BTAF1: variants seen among roughly 807,000 people sequenced by gnomAD.
BTAF1 encodes the protein B-TFIID TATA-box binding protein associated factor 1, also known as TATA-binding protein-associated factor 172.
In BTAF1, 38 loss-of-function variants were observed where a neutral mutation model predicts 227.1. The observed-to-expected ratio is 0.17, with a 90% CI of 0.13 to 0.22. BTAF1 has a LOEUF of 0.22. Ranked by LOEUF, BTAF1 falls within the 10% of genes least tolerant of loss-of-function variation. The probability of loss-of-function intolerance (pLI) is 1.00; values close to 1 mark genes in which losing one functional copy is unlikely to be tolerated. For missense variants in BTAF1, 1,598 were observed against 2,204.0 expected (o/e 0.73, Z 5.51); for synonymous variants, 742 against 751.9 (o/e 0.99, Z 0.21).
intron 25 of BTAF1, among the ~76,000 whole-genome samples, chr10:92,005,759 T>C (rs1326535966): frequency 4.0e-5 from 6 of 151,758 alleles, no homozygotes; most frequent in African/African-American, 1.4e-4. Flanking sequence ...GTTAACATAA[T>C]TAACTTTTTT....
intron 4 of BTAF1, among the ~76,000 whole-genome samples, chr10:91,944,438 G>A (rs943342080): frequency 6.6e-6 from 1 of 152,178 alleles, no homozygotes; most frequent in East Asian, 1.9e-4. Flanking sequence ...CCTGGAATGA[G>A]AGGACCAATT....
chr10:91,990,791 C>G (rs2134018510), intron 20 of BTAF1, among the ~76,000 whole-genome samples: 1 of 150,698 alleles, frequency 6.6e-6, no homozygotes, highest in African/African-American at 2.4e-5. Flanking sequence ...GAAACTCCGT[C>G]TCAAAAAATA....
chr10:91,940,953 G>A (rs1256010247), intron 3 of BTAF1, among the ~76,000 whole-genome samples: 1 of 152,126 alleles, frequency 6.6e-6, no homozygotes, highest in African/African-American at 2.4e-5. Flanking sequence ...TCAAGCTGAG[G>A]CCCACGTCAG....
chr10:91,948,819 C>G (rs1394588679), intron 4 of BTAF1, among the ~76,000 whole-genome samples: 1 of 151,812 alleles, frequency 6.6e-6, no homozygotes, highest in Admixed American at 6.6e-5. Flanking sequence ...CCATGTTGCC[C>G]AGGCTGGTCT....
At chr10:92,007,301 A>T in intron 25 of BTAF1, among the ~76,000 whole-genome samples, 1 of 141,836 alleles carries the variant, frequency 7.1e-6, no homozygotes. Flanking sequence ...TCACTGCAAC[A>T]TCTACCTCCC....
rs761733300 is a variant in BTAF1, at chr10:91,980,462, A to G, written c.1659A>G (p.Ser553=). Residue 553 remains serine (S), a synonymous_variant, in exon 15 of 38, where the codon TCA becomes TCG. Transcript: ENST00000265990. The part of the protein sequence containing the change: ...TLLSTQDQNS[S]SWLIPILPDM... Reference sequence around the variant, plus strand: ...TCTGTTTTTGTTTTCAGAACTCTTCATCTTGGCTTATACCTATACTGCCTG... The same window carrying G: ...TCTGTTTTTGTTTTCAGAACTCTTCGTCTTGGCTTATACCTATACTGCCTG... 6.2e-7 allele frequency: 1 copy of G among 1,611,422 alleles called. No homozygotes were observed. Among genetic ancestry groups the G allele is most frequent in the East Asian group, 2.2e-5 (1 of 44,826 alleles).
chr10:91,928,354 C>G (rs751243099), intron 1 of BTAF1, among the ~76,000 whole-genome samples: 5 of 152,136 alleles, frequency 3.3e-5, no homozygotes, highest in African/African-American at 4.8e-5. Flanking sequence ...TAAATACAAT[C>G]ATAGCATTTG....
At position 91,981,514 on chromosome 10, in the gene BTAF1, A is replaced by G. The variant is rs910638951; in HGVS notation, c.1756-129A>G. 2.2e-5 allele frequency: 22 copies of G among 983,770 alleles called. No individual in the cohort carries two copies. The Middle Eastern group carries it at 8.0e-4, about 36-fold the overall frequency. The allele number at this position is 983,770 out of a possible 1,614,324, so 60.9% of individuals were successfully genotyped here. A position where few individuals can be genotyped will look rare whatever the true frequency, so the allele number is the denominator to read the frequency against. On this transcript the variant is annotated intron_variant, in intron 15 of 37. Coordinates refer to ENST00000265990, the MANE Select transcript of BTAF1 (RefSeq NM_003972.3). ...GTACTGTATTTCAAAATAAGCCTCT[A>G]TATTGAATTTCTAAATTAATCTCTG...
At chr10:91,981,170 GA>G (rs1848037383) in intron 15 of BTAF1, among the ~76,000 whole-genome samples, 1 of 152,074 alleles carries the variant, frequency 6.6e-6, no homozygotes, top group East Asian at 1.9e-4. Flanking sequence ...TAGGCATCAG[GA>G]AAGGTACCTT....
intron 4 of BTAF1, among the ~76,000 whole-genome samples, chr10:91,947,887 A>G (rs574597534): frequency 6.6e-6 from 1 of 152,008 alleles, no homozygotes; most frequent in Non-Finnish European, 1.5e-5. Flanking sequence ...TTCATTTTAT[A>G]CTTGACAGAA....
At chr10:91,929,937 A>T (rs1281237269) in intron 1 of BTAF1, among the ~76,000 whole-genome samples, 1 of 152,202 alleles carries the variant, frequency 6.6e-6, no homozygotes, top group African/African-American at 2.4e-5. Flanking sequence ...TACTTTAAAA[A>T]TTTAGAGATA....
At chr10:91,999,200 T>G (rs1849338780) in intron 25 of BTAF1, among the ~76,000 whole-genome samples, 1 of 152,236 alleles carries the variant, frequency 6.6e-6, no homozygotes, top group South Asian at 2.1e-4. Flanking sequence ...AGTTTAATTT[T>G]TTTTATAAAA....
intron 5 of BTAF1, among the ~76,000 whole-genome samples, chr10:91,953,440 T>C (rs1845896639): frequency 6.6e-6 from 1 of 152,202 alleles, no homozygotes; most frequent in Non-Finnish European, 1.5e-5. Flanking sequence ...TTTGAAGTCT[T>C]ACCTCTTCAA....
intron 34 of BTAF1, among the ~76,000 whole-genome samples, chr10:92,021,616 A>G (rs1851130309): frequency 6.6e-6 from 1 of 151,420 alleles, no homozygotes; most frequent in Non-Finnish European, 1.5e-5. Context: ...ATCTTGGCTC[A>G]CTGCAAGCTC....
At chr10:91,997,057 C>G in intron 24 of BTAF1, 1 of 1,237,930 alleles carries the variant, frequency 8.1e-7, no homozygotes, top group Non-Finnish European at 1.1e-6. Flanking sequence ...AGCTAACATT[C>G]TTTAACTCAA....
intron 1 of BTAF1, among the ~76,000 whole-genome samples, chr10:91,932,816 CTTTA>C (rs1159042455): frequency 3.3e-5 from 5 of 152,192 alleles, no homozygotes; most frequent in African/African-American, 1.2e-4. Context: ...GAGAAAAATA[CTTTA>C]TTTGTTTGCT....
At chr10:92,000,335 G>A (rs866623166) in intron 25 of BTAF1, among the ~76,000 whole-genome samples, 2 of 152,146 alleles carry the variant, frequency 1.3e-5, no homozygotes, top group Admixed American at 6.5e-5. Flanking sequence ...GCTATTATGT[G>A]TTCTTTAAAC....
chr10:91,984,968 C>A (rs990426541), intron 19 of BTAF1, among the ~76,000 whole-genome samples: 2 of 152,034 alleles, frequency 1.3e-5, no homozygotes, highest in African/African-American at 4.8e-5. Flanking sequence ...ATATAATTAA[C>A]TAAAATTCAG....
At chr10:91,968,807 T>C (rs1001788924) in intron 14 of BTAF1, among the ~76,000 whole-genome samples, 4 of 152,240 alleles carry the variant, frequency 2.6e-5, no homozygotes, top group Admixed American at 6.5e-5. Context: ...AAGCATCTTT[T>C]CATATGTTTA....
Sources: allele counts gnomAD v4.1 joint callset (sites outside exome capture counted in the v4.1 genomes callset), GRCh38; gene constraint gnomAD v4.1.1; transcripts MANE v1.5; gene names NCBI Gene and HGNC (gene_info 2026-07-23, HGNC 2026-07-21).